DDX31: variants seen among roughly 807,000 people sequenced by gnomAD.
The protein encoded by DDX31 is ATP-dependent DNA helicase DDX31.
DDX31 carries 70 observed loss-of-function variants against 91.3 expected under a neutral mutation model. The observed-to-expected ratio is 0.77, with a 90% CI of 0.63 to 0.94. DDX31 has a LOEUF of 0.94. Among genes scored for constraint, DDX31 ranks in the 40% least tolerant of loss-of-function variants. The pLI is 0.00. For missense variants in DDX31, 902 were observed against 925.0 expected, an observed-to-expected ratio of 0.98 and a Z score of 0.32; for synonymous variants, 362 against 350.6, an observed-to-expected ratio of 1.03 and a Z score of -0.36.
rs531031974 is a variant in DDX31, at chr9:132,663,943, G to T, written c.76-1248C>A. ...TTTGCAAGACAGTATGAAATGTGCAGACTTCACCTGATTTACAGACCCAGG... is the reference window on the plus strand; with the variant it reads ...TTTGCAAGACAGTATGAAATGTGCATACTTCACCTGATTTACAGACCCAGG... On this transcript the variant is annotated intron_variant, in intron 1 of 19. Transcript: ENST00000372159. Among the ~76,000 whole-genome samples the T allele has an allele frequency of 3.7e-4, 56 of 152,286 alleles. 1 individual carries two copies. Among genetic ancestry groups the T allele is most frequent in the Admixed American group, 3.6e-3 (55 of 15,300 alleles).
At chr9:132,669,322 A>G (rs543374993) in intron 1 of DDX31, among the ~76,000 whole-genome samples, 1 of 138,162 alleles carries the variant, frequency 7.2e-6, no homozygotes, top group South Asian at 2.3e-4. Flanking sequence ...TTTAGGGGTA[A>G]TATTTTAACT....
intron 3 of DDX31, 51 bp downstream of exon 3, chr9:132,662,210 G>A (rs371729973): frequency 1.7e-5 from 27 of 1,590,324 alleles, no homozygotes; most frequent in Admixed American, 1.3e-4. Context: ...CCTTCTGAAC[G>A]GACAAACACA....
At chr9:132,667,722 T>C (rs1428644228) in intron 1 of DDX31, among the ~76,000 whole-genome samples, 3 of 152,154 alleles carry the variant, frequency 2.0e-5, no homozygotes, top group Non-Finnish European at 4.4e-5. Context: ...AGCCTATATG[T>C]ATTTACTCAA....
intron 1 of DDX31, chr9:132,669,599 C>A: frequency 1.3e-6 from 2 of 1,509,940 alleles, no homozygotes; most frequent in East Asian, 2.6e-5. Flanking sequence ...CTAATTCCTT[C>A]CTTTACTTTT....
intron 14 of DDX31, among the ~76,000 whole-genome samples, chr9:132,636,309 A>T (rs572805338): frequency 6.6e-6 from 1 of 152,340 alleles, no homozygotes; most frequent in African/African-American, 2.4e-5. Flanking sequence ...GCCACTTTCT[A>T]CACCAACTAC....
chr9:132,625,844 T>A, intron 16 of DDX31, 99 bp from the exon 17 acceptor site: 1 of 831,184 alleles, frequency 1.2e-6, no homozygotes, highest in Non-Finnish European at 2.0e-6. Flanking sequence ...TAATTAGACA[T>A]GAAGTAGAAG....
Position 132,646,913 on chromosome 9 carries a change from T to C in DDX31, c.1113A>G (p.Ala371=). 1 of 1,614,204 alleles carries C rather than the reference T, an allele frequency of 6.2e-7. No homozygotes were observed. The highest frequency in any genetic ancestry group is 8.5e-7 in the Non-Finnish European group (1 of 1,180,034). ...CATGCTGCTTGAGACTCTCTGGTAT[T>C]GCAAAGCTGTCCAGCTTGTCGCCAG... ...PPAGDKLDSF[A]IPESLKQHVT... is the part of the protein sequence containing the mutation. Residue 371 remains alanine (A), a synonymous_variant, in exon 12 of 20, where the codon GCA becomes GCG. Transcript: ENST00000372159.
chr9:132,646,134 T>C, intron 12 of DDX31, 63 bp from the exon 13 acceptor site: 1 of 1,532,636 alleles, frequency 6.5e-7, no homozygotes, highest in Non-Finnish European at 8.9e-7. Context: ...CCAAAACGAA[T>C]ATTTCTCTAA....
Position 132,658,698 on chromosome 9 carries a change from G to A in DDX31, c.561C>T (p.Ser187=). The change falls in exon 6 of 20, where the codon TCC becomes TCT. Residue 187 remains serine (S), a synonymous_variant. Coordinates refer to ENST00000372159, the MANE Select transcript of DDX31 (RefSeq NM_022779.9). ...GTATTTTTGACTCCATTGCTTGAAG[G>A]GACTGGACCACAGGGATGCAATAGG... ...TLAYCIPVVQ[S]LQAMESKIQR... 6.2e-7 allele frequency: 1 copy of A among 1,613,878 alleles called. No individual in the cohort carries two copies. The highest frequency in any genetic ancestry group is 8.5e-7 in the Non-Finnish European group (1 of 1,179,944).
intron 19 of DDX31, 120 bp downstream of exon 19, chr9:132,611,967 T>C: frequency 2.2e-6 from 3 of 1,353,608 alleles, no homozygotes; most frequent in Non-Finnish European, 3.0e-6. Flanking sequence ...AGTGCTTGTT[T>C]ATTGGGAGAA....
intron 18 of DDX31, among the ~76,000 whole-genome samples, chr9:132,612,728 T>C (rs1013729341): frequency 6.6e-6 from 1 of 152,246 alleles, no homozygotes; most frequent in Non-Finnish European, 1.5e-5. Context: ...TACTTTTGAA[T>C]AGTTAATGCA....
At position 132,650,318 on chromosome 9, in the gene DDX31, C is replaced by T. The variant is rs1246072883; in HGVS notation, c.676-20G>A. 3 of 1,612,678 alleles carry T rather than the reference C, an allele frequency of 1.9e-6. No individual in the cohort carries two copies. In the South Asian group the frequency reaches 3.3e-5, roughly 18 times the overall value. ...GAAAGGCTACAGAAAGACAGCAGAC[C>T]ACAGTCAGTGCAAAGCCCCCTTTAC... On this transcript the variant is annotated intron_variant, in intron 8 of 19. Transcript: ENST00000372159.
chr9:132,596,117 CAT>C (rs1458180530), intron 19 of DDX31, among the ~76,000 whole-genome samples: 1 of 152,234 alleles, frequency 6.6e-6, no homozygotes, highest in African/African-American at 2.4e-5. Context: ...CTCACAAAGA[CAT>C]ATGTTACGTT....
chr9:132,663,567 T>C (rs986291796), intron 1 of DDX31: 1 of 973,256 alleles, frequency 1.0e-6, no homozygotes, highest in South Asian at 4.8e-5. Flanking sequence ...TTTTCTGATT[T>C]ACAAATGAAT....
At chr9:132,623,497 G>A (rs1255770273) in intron 17 of DDX31, among the ~76,000 whole-genome samples, 1 of 138,128 alleles carries the variant, frequency 7.2e-6, no homozygotes, top group Non-Finnish European at 1.5e-5. Flanking sequence ...AGGTTGTAGT[G>A]AGCCAAGATC....
In DDX31 at chr9:132,595,153, T is replaced by TTA. The variant is rs1229471701; in HGVS notation, c.1995-42_1995-41insTA. ...AGCAGAGAGGGAAAAGAAACTTTAT[T>TTA]ATTTTTCTTTCCCATTTGGAAAGAG... On this transcript the variant is annotated intron_variant, in intron 19 of 19. Transcript: ENST00000372159. The surrounding 1 kb of genome is among the most constrained non-coding windows in gnomAD (Gnocchi z 4.6). 5 of 1,583,928 alleles carry TTA rather than the reference T, an allele frequency of 3.2e-6. No homozygotes were observed. The highest frequency in any genetic ancestry group is 4.3e-6 in the Non-Finnish European group (5 of 1,165,306).
At chr9:132,657,435 C>A (rs1469999470) in intron 6 of DDX31, among the ~76,000 whole-genome samples, 1 of 152,080 alleles carries the variant, frequency 6.6e-6, no homozygotes, top group African/African-American at 2.4e-5. Context: ...CAAATGGTGA[C>A]TTTCTATTTC....
intron 6 of DDX31, among the ~76,000 whole-genome samples, chr9:132,657,689 T>C (rs1244000438): frequency 6.6e-6 from 1 of 152,194 alleles, no homozygotes; most frequent in Non-Finnish European, 1.5e-5. Context: ...TTTTTTGCAG[T>C]CACCTCACTT....
intron 16 of DDX31, 80 bp from the exon 17 acceptor site, chr9:132,625,825 T>C (rs1832359930): frequency 9.9e-7 from 1 of 1,012,822 alleles, no homozygotes; most frequent in Non-Finnish European, 1.5e-6. Context: ...AACTGGCCTA[T>C]TCTTGAGCTA....
Sources: allele counts gnomAD v4.1 joint callset (sites outside exome capture counted in the v4.1 genomes callset), GRCh38; gene constraint gnomAD v4.1.1; non-coding constraint Gnocchi (gnomAD v3.1); transcripts MANE v1.5; gene names NCBI Gene and HGNC (gene_info 2026-07-23, HGNC 2026-07-21).